XPR1: variants seen among roughly 807,000 people sequenced by gnomAD.
XPR1 encodes the protein solute carrier family 53 member 1.
Under a neutral mutation model 87.5 loss-of-function variants are expected in XPR1, and 28 were observed. That is an observed-to-expected ratio of 0.32 (90% confidence interval 0.24 to 0.44). XPR1 has a LOEUF of 0.44. Among genes scored for constraint, XPR1 ranks in the 20% least tolerant of loss-of-function variants. The pLI is 1.00. For synonymous variants in XPR1, 300 were observed against 306.1 expected (o/e 0.98, Z 0.21); for missense variants, 559 against 862.3 (o/e 0.65, Z 4.41).
At chr1:180,658,353 C>T (rs1011178246) in intron 1 of XPR1, among the ~76,000 whole-genome samples, 1 of 152,156 alleles carries the variant, frequency 6.6e-6, no homozygotes. Flanking sequence ...AGTGGGCATC[C>T]TCATCATGTT....
intron 2 of XPR1, among the ~76,000 whole-genome samples, chr1:180,704,940 T>C (rs1272984098): frequency 6.7e-6 from 1 of 149,118 alleles, no homozygotes; most frequent in Non-Finnish European, 1.5e-5. Context: ...TCAGGCTTTC[T>C]GTTTCATGGA....
At chr1:180,791,569 T>C (rs1334587310) in intron 3 of XPR1, among the ~76,000 whole-genome samples, 1 of 142,480 alleles carries the variant, frequency 7.0e-6, no homozygotes, top group Non-Finnish European at 1.5e-5. Context: ...GTAGATACTT[T>C]ATTTTGAGTT....
chr1:180,727,108 C>T (rs1658381560), intron 2 of XPR1, among the ~76,000 whole-genome samples: 1 of 152,072 alleles, frequency 6.6e-6, no homozygotes, highest in South Asian at 2.1e-4. Flanking sequence ...CGTGATCTGC[C>T]TGCCTCAGCC....
At chr1:180,638,649 C>G (rs1464764476) in intron 1 of XPR1, among the ~76,000 whole-genome samples, 1 of 151,974 alleles carries the variant, frequency 6.6e-6, no homozygotes. Flanking sequence ...TTAAAAATAA[C>G]AGAAAAAAAC....
At chr1:180,810,932 A>G (rs895174606) in intron 6 of XPR1, among the ~76,000 whole-genome samples, 2 of 152,224 alleles carry the variant, frequency 1.3e-5, no homozygotes, top group African/African-American at 4.8e-5. Flanking sequence ...AAAATGGCAT[A>G]CTATTGCATA....
chr1:180,651,379 A>C (rs1485762530), intron 1 of XPR1, among the ~76,000 whole-genome samples: 1 of 152,212 alleles, frequency 6.6e-6, no homozygotes, highest in East Asian at 1.9e-4. Flanking sequence ...GGTGTGAGCC[A>C]CGCACCTCGC....
chr1:180,657,859 C>T (rs555022889), intron 1 of XPR1, among the ~76,000 whole-genome samples: 1 of 151,908 alleles, frequency 6.6e-6, no homozygotes, highest in African/African-American at 2.4e-5. Flanking sequence ...TGCATTGAAT[C>T]TGTAGATTGC....
At chr1:180,782,889 T>C (rs1472123390) in intron 2 of XPR1, among the ~76,000 whole-genome samples, 1 of 151,998 alleles carries the variant, frequency 6.6e-6, no homozygotes, top group African/African-American at 2.4e-5. Context: ...TCACCTAGGC[T>C]CTTTGTACCT....
chr1:180,809,627 G>A (rs1650137838), intron 6 of XPR1, among the ~76,000 whole-genome samples: 1 of 152,146 alleles, frequency 6.6e-6, no homozygotes, highest in Admixed American at 6.6e-5. Context: ...AAGAATGCCT[G>A]TAGAGATGGT....
At position 180,669,083 on chromosome 1, in the gene XPR1, C is replaced by CT. The variant is rs1282650860; in HGVS notation, c.70-13276dup. Among the ~76,000 whole-genome samples the CT allele has an allele frequency of 6.9e-5, 10 of 145,360 alleles. No individual in the cohort carries two copies. In the East Asian group the frequency reaches 1.0e-3, roughly 15 times the overall value. On this transcript the variant is annotated intron_variant, in intron 1 of 14. Coordinates refer to ENST00000367590, the MANE Select transcript of XPR1 (RefSeq NM_004736.4). Reference sequence around the variant, plus strand: ...CAGCCTGAGCAACAAGAGCGAAACTCTGTCTAAAAAAAAAAAAAAAAAAAA... The same window carrying CT: ...CAGCCTGAGCAACAAGAGCGAAACTCTTGTCTAAAAAAAAAAAAAAAAAAAA...
chr1:180,878,432 C>T (rs1360449144), intron 13 of XPR1: 1 of 152,128 alleles, frequency 6.6e-6, no homozygotes, highest in African/African-American at 2.4e-5. Flanking sequence ...AGTATGTATT[C>T]CCAATACTCA....
intron 1 of XPR1, among the ~76,000 whole-genome samples, chr1:180,633,506 A>G (rs1336444278): frequency 6.6e-6 from 1 of 152,250 alleles, no homozygotes; most frequent in Non-Finnish European, 1.5e-5. Flanking sequence ...TCATATAGCC[A>G]TTGTAATAAT....
intron 1 of XPR1, among the ~76,000 whole-genome samples, chr1:180,668,501 GTTTGAAATCCATTTGAAATTTGAA>G (rs1656046496): frequency 6.6e-6 from 1 of 152,022 alleles, no homozygotes; most frequent in Admixed American, 6.6e-5. Context: ...GTCATGTTAG[GTTTGAAATCCATTTGAAATTTGAA>G]TTTGAAATCC....
At chr1:180,693,142 T>C (rs1236274759) in intron 2 of XPR1, among the ~76,000 whole-genome samples, 1 of 152,222 alleles carries the variant, frequency 6.6e-6, no homozygotes, top group Non-Finnish European at 1.5e-5. Context: ...TACCAGCAGA[T>C]GAATCTGATG....
intron 1 of XPR1, among the ~76,000 whole-genome samples, chr1:180,661,237 G>C (rs1249836165): frequency 6.6e-6 from 1 of 151,514 alleles, no homozygotes; most frequent in Admixed American, 6.6e-5. Context: ...GTCTTAGAGT[G>C]TCTTTATAGG....
At chr1:180,803,975 T>G (rs961463004) in intron 4 of XPR1, among the ~76,000 whole-genome samples, 1 of 151,940 alleles carries the variant, frequency 6.6e-6, no homozygotes, top group East Asian at 1.9e-4. Flanking sequence ...CTTTTCTTTT[T>G]TTTCCTTTCT....
intron 11 of XPR1, among the ~76,000 whole-genome samples, chr1:180,859,659 T>C (rs1652155729): frequency 6.6e-6 from 1 of 152,112 alleles, no homozygotes; most frequent in Non-Finnish European, 1.5e-5. Flanking sequence ...GTGCTAATCA[T>C]TGTTTGAAGA....
rs1491161217 is a variant in XPR1 at position 180,827,177 on chromosome 1, A to AAAAG, written c.1134+1833_1134+1834insAAAG. 1.8e-3 allele frequency among the ~76,000 whole-genome samples: 247 copies of AAAAG among 136,788 alleles called. 3 individuals are homozygous for AAAAG. The highest frequency in any genetic ancestry group is 6.0e-3 in the African/African-American group (225 of 37,480). The allele number at this position is 136,788 out of a possible 152,430, so 89.7% of individuals were successfully genotyped here. A position where few individuals can be genotyped will look rare whatever the true frequency, so the allele number is the denominator to read the frequency against. On this transcript the variant is annotated intron_variant, in intron 9 of 14. Coordinates refer to ENST00000367590, the MANE Select transcript of XPR1 (RefSeq NM_004736.4). ...TCAAAAAAAAAAAAAAAAAAAAAAA[A>AAAAG]GGGGGTCTCCTTTGTTGCCCAGGCT...
At chr1:180,673,005 TTGAA>T (rs1261265425) in intron 1 of XPR1, among the ~76,000 whole-genome samples, 3 of 152,192 alleles carry the variant, frequency 2.0e-5, no homozygotes, top group Admixed American at 6.5e-5. Context: ...AGTGCTAACT[TTGAA>T]TGACTGTTGA....
Sources: gnomAD v4.1 joint callset for allele counts (sites outside exome capture counted in the v4.1 genomes callset) on GRCh38, gnomAD v4.1.1 for gene constraint, MANE v1.5 for transcripts, NCBI Gene and HGNC (gene_info 2026-07-23, HGNC 2026-07-21) for gene names.